Variants in C12orf42 observed in about 807,000 individuals in gnomAD.
C12orf42 encodes the protein uncharacterized protein C12orf42.
C12orf42 carries 25 observed loss-of-function variants against 21.6 expected under a neutral mutation model. The observed-to-expected ratio is 1.16, with a 90% CI of 0.84 to 1.62. The LOEUF is 1.62. C12orf42 is among the 40% of genes most tolerant of loss of function. The pLI is 0.00. For missense variants in C12orf42, 483 were observed against 459.3 expected (o/e 1.05, Z -0.47); for synonymous variants, 174 against 175.0 (o/e 0.99, Z 0.05).
the C12orf42 span, among the ~76,000 whole-genome samples, chr12:103,114,608 C>G: frequency 4.4e-3 from 677 of 152,292 alleles, 3 homozygotes; most frequent in South Asian, 7.5e-3. Context: ...AGTTAGTTAC[C>G]TTCTCTGCCC....
chr12:103,228,117 C>G, the C12orf42 span, among the ~76,000 whole-genome samples: 1 of 152,050 alleles, frequency 6.6e-6, no homozygotes, highest in Non-Finnish European at 1.5e-5. Flanking sequence ...CATGTGCGTC[C>G]GTGTGAAGAG....
chr12:103,061,057 C>T, the C12orf42 span, among the ~76,000 whole-genome samples: 1 of 152,122 alleles, frequency 6.6e-6, no homozygotes, highest in Non-Finnish European at 1.5e-5. Flanking sequence ...ACGTTTCCTG[C>T]TCATTCTCTG....
Position 103,256,323 on chromosome 12 carries a change from AATAG to A in C12orf42, c.*1366+6999_*1366+7002del, listed in dbSNP as rs545900721. Reference sequence around the variant, plus strand: ...CAATCTTTTTGAATCCTCACTTTAAAATAGATAGAGCAATTAAATAGCAAAACCA... The same window carrying A: ...CAATCTTTTTGAATCCTCACTTTAAAATAGAGCAATTAAATAGCAAAACCA... On this transcript the variant is annotated intron_variant and NMD_transcript_variant, in intron 10 of 10. Transcript: ENST00000547347. Among the ~76,000 whole-genome samples the A allele has an allele frequency of 9.4e-4, 142 of 151,428 alleles. No individual in the cohort carries two copies. The Middle Eastern group carries it at 0.017, about 18-fold the overall frequency.
the C12orf42 span, among the ~76,000 whole-genome samples, chr12:103,119,490 G>GCT: frequency 6.6e-6 from 1 of 152,096 alleles, no homozygotes; most frequent in East Asian, 1.9e-4. Flanking sequence ...CAGGAAATAG[G>GCT]CTATGGTGGC....
At chr12:103,191,543 C>CAAAAAAAAAAAAAAAAAAAA in the C12orf42 span, among the ~76,000 whole-genome samples, 2 of 58,104 alleles carry the variant, frequency 3.4e-5, no homozygotes, top group African/African-American at 7.5e-5. Context: ...CTCCACTCTA[C>CAAAAAAAAAAAAAAAAAAAA]AAAAAAAAAA....
chr12:103,377,260 A>C (rs1441465141), intron 3 of C12orf42, among the ~76,000 whole-genome samples: 1 of 151,814 alleles, frequency 6.6e-6, no homozygotes, highest in African/African-American at 2.4e-5. Context: ...TCTTATGTTA[A>C]AAGCCTTCCT....
downstream of C12orf42, among the ~76,000 whole-genome samples, chr12:103,236,039 G>A (rs1814333411): frequency 6.6e-6 from 1 of 152,114 alleles, no homozygotes; most frequent in Non-Finnish European, 1.5e-5. Context: ...TTGAGGAAAT[G>A]CTCTGAGATT....
the C12orf42 span, among the ~76,000 whole-genome samples, chr12:103,170,449 G>C: frequency 6.6e-6 from 1 of 151,894 alleles, no homozygotes; most frequent in African/African-American, 2.4e-5. Flanking sequence ...CTATTTTCAA[G>C]TTTTGACCAC....
At chr12:103,434,524 G>A (rs1950514325) in intron 2 of C12orf42, among the ~76,000 whole-genome samples, 1 of 152,140 alleles carries the variant, frequency 6.6e-6, no homozygotes, top group Non-Finnish European at 1.5e-5. Flanking sequence ...CAGACAGTGG[G>A]TGCAGGTCAG....
chr12:103,184,890 G>A, the C12orf42 span, among the ~76,000 whole-genome samples: 15 of 152,188 alleles, frequency 9.9e-5, no homozygotes, highest in African/African-American at 2.9e-4. Context: ...GTAGACAGGT[G>A]AATGCACAGA....
At chr12:103,329,009 G>A (rs538818357) in intron 4 of C12orf42, among the ~76,000 whole-genome samples, 2 of 152,358 alleles carry the variant, frequency 1.3e-5, no homozygotes, top group South Asian at 4.1e-4. Context: ...TGGTGAGGGT[G>A]AAAATAAATT....
the C12orf42 span, among the ~76,000 whole-genome samples, chr12:103,227,664 G>A: frequency 1.6e-4 from 24 of 152,192 alleles, 1 homozygote; most frequent in South Asian, 2.1e-4. Context: ...GGGACTTGCC[G>A]CTAAGGGTGA....
intron 2 of C12orf42, among the ~76,000 whole-genome samples, chr12:103,425,322 G>A (rs889157948): frequency 6.6e-6 from 1 of 152,200 alleles, no homozygotes; most frequent in African/African-American, 2.4e-5. Context: ...TCCCAGCACA[G>A]TGCTTGAGCT....
At chr12:103,408,141 G>T (rs1397839168) in intron 2 of C12orf42, among the ~76,000 whole-genome samples, 2 of 152,114 alleles carry the variant, frequency 1.3e-5, no homozygotes, top group Non-Finnish European at 2.9e-5. Context: ...AAACTTACAT[G>T]GTAGCCCTGA....
the C12orf42 span, among the ~76,000 whole-genome samples, chr12:103,515,859 T>G: frequency 6.6e-6 from 1 of 152,222 alleles, no homozygotes; most frequent in Admixed American, 6.5e-5. Context: ...AATGTCCATT[T>G]TATAAGGCAA....
At chr12:103,199,374 T>C in the C12orf42 span, among the ~76,000 whole-genome samples, 4 of 152,032 alleles carry the variant, frequency 2.6e-5, no homozygotes, top group African/African-American at 9.7e-5. Context: ...TTCCTGAAAA[T>C]AAGCATAAGG....
In C12orf42 at chr12:103,495,902, C is replaced by T. The variant is rs1955522193; in HGVS notation, c.-22G>A. On this transcript the variant is annotated splice_region_variant and 5_prime_UTR_variant, in exon 1 of 6. Transcript: ENST00000548883. ...CGAGTCCCGCGCTCCCTGCGTCTAC[C>T]TGGAGCTGCAGGGTCCCTATCCCGG... 6.6e-6 allele frequency: 1 copy of T among 152,406 alleles called. No individual in the cohort carries two copies. Among genetic ancestry groups the T allele is most frequent in the Admixed American group, 6.5e-5 (1 of 15,288 alleles). The allele number at this position is 152,406 out of a possible 1,614,324, so 9.4% of individuals were successfully genotyped here. A position where few individuals can be genotyped will look rare whatever the true frequency, so the allele number is the denominator to read the frequency against.
intron 4 of C12orf42, among the ~76,000 whole-genome samples, chr12:103,310,832 C>T (rs963724102): frequency 6.6e-5 from 10 of 152,200 alleles, no homozygotes; most frequent in Non-Finnish European, 1.0e-4. Context: ...AGCAGGCTTT[C>T]CCAAATGCAG....
chr12:103,049,760 G>C, the C12orf42 span, among the ~76,000 whole-genome samples: 1 of 152,024 alleles, frequency 6.6e-6, no homozygotes, highest in Non-Finnish European at 1.5e-5. Context: ...GCCTTTGCAC[G>C]TGCTGTTTCC....
Sources: allele counts gnomAD v4.1 joint callset (sites outside exome capture counted in the v4.1 genomes callset), GRCh38; gene constraint gnomAD v4.1.1; transcripts MANE v1.5; gene names NCBI Gene and HGNC (gene_info 2026-07-23, HGNC 2026-07-21).